Variants in ATP6V1C2 observed in about 807,000 individuals in gnomAD.
The protein encoded by ATP6V1C2 is V-type proton ATPase subunit C 2.
ATP6V1C2 carries 45 observed loss-of-function variants against 56.8 expected under a neutral mutation model. The ratio of observed to expected loss-of-function variants is 0.79; its 90% CI spans 0.62 to 1.02. The LOEUF (loss-of-function observed/expected upper bound fraction) is 1.02, where lower values mean the gene tolerates loss of function less well. Among genes scored for constraint, ATP6V1C2 ranks in the 50% least tolerant of loss-of-function variants. ATP6V1C2 has a pLI of 0.00. For missense variants in ATP6V1C2, 463 were observed against 519.7 expected (o/e 0.89, Z 1.06); for synonymous variants, 220 against 201.3 (o/e 1.09, Z -0.79).
Position 10,784,387 on chromosome 2 carries a change from A to G in ATP6V1C2, c.*1124A>G. 7.3e-7 allele frequency: 1 copy of G among 1,361,922 alleles called. No individual in the cohort carries two copies. The highest frequency in any genetic ancestry group is 1.2e-5 in the South Asian group (1 of 81,312). 84.4% of individuals were successfully genotyped at this position (1,361,922 alleles called of 1,614,324 possible). On this transcript the variant is annotated 3_prime_UTR_variant, in exon 14 of 14. Transcript: ENST00000272238. ...GAAGGGGACACCCTGGAAGGTCAAC[A>G]TCTCATTTTATGGAAGAGCGACTCT...
intron 4 of ATP6V1C2, among the ~76,000 whole-genome samples, chr2:10,762,745 TC>T (rs1663991535): frequency 6.6e-6 from 1 of 151,598 alleles, no homozygotes; most frequent in African/African-American, 2.4e-5. Context: ...TTAGAGCACT[TC>T]CCTCCCTCCA....
intron 4 of ATP6V1C2, among the ~76,000 whole-genome samples, chr2:10,756,981 C>T (rs1265568408): frequency 7.0e-6 from 1 of 142,764 alleles, no homozygotes; most frequent in East Asian, 2.0e-4. Flanking sequence ...TTATAGTTTT[C>T]CCTCTTGAAA....
chr2:10,765,932 A>C (rs1265665935), intron 5 of ATP6V1C2, among the ~76,000 whole-genome samples: 1 of 152,192 alleles, frequency 6.6e-6, no homozygotes, highest in Non-Finnish European at 1.5e-5. Flanking sequence ...GCAGGAAGGA[A>C]GGAGGGCACT....
At position 10,783,083 on chromosome 2, in the gene ATP6V1C2, G is replaced by A. The variant is rs1189138967; in HGVS notation, c.1195-91G>A. 21 of 937,418 alleles carry A rather than the reference G, an allele frequency of 2.2e-5. No homozygotes were observed. The African/African-American group carries it at 2.3e-4, about 10-fold the overall frequency. The allele number at this position is 937,418 out of a possible 1,614,324, so 58.1% of individuals were successfully genotyped here. A position where few individuals can be genotyped will look rare whatever the true frequency, so the allele number is the denominator to read the frequency against. On this transcript the variant is annotated intron_variant, in intron 13 of 13. Transcript: ENST00000272238. Reference sequence around the variant, plus strand: ...CACAGCTACGCAGAGCAGAACGTACGCTCAGTGCCTGGCGAGCTTCCTCAA... The same window carrying A: ...CACAGCTACGCAGAGCAGAACGTACACTCAGTGCCTGGCGAGCTTCCTCAA...
rs534905918 is a variant in ATP6V1C2 at position 10,739,198 on chromosome 2, G to A, written c.197+12629G>A. Among the ~76,000 whole-genome samples, 14 of 152,202 alleles carry A rather than the reference G, an allele frequency of 9.2e-5. 1 individual carries two copies. In the East Asian group the frequency reaches 2.7e-3, roughly 29 times the overall value. On this transcript the variant is annotated intron_variant, in intron 3 of 13. Coordinates refer to ENST00000272238, the MANE Select transcript of ATP6V1C2 (RefSeq NM_001039362.2). ...CTCGGGAGGCTGAGGCAGGAGAATC[G>A]CTTGAACCCGGGAGACGGAGGTTGC...
intron 3 of ATP6V1C2, among the ~76,000 whole-genome samples, chr2:10,727,763 G>A (rs1284352015): frequency 6.6e-6 from 1 of 151,818 alleles, no homozygotes; most frequent in Non-Finnish European, 1.5e-5. Flanking sequence ...GCTGGGTGTG[G>A]TGGCGGGTGC....
intron 3 of ATP6V1C2, among the ~76,000 whole-genome samples, chr2:10,730,607 G>T (rs1309868290): frequency 7.9e-4 from 94 of 118,690 alleles, no homozygotes; most frequent in African/African-American, 2.7e-3. Flanking sequence ...TTCACAGTGG[G>T]TTTTTTTTTT....
chr2:10,746,970 CAATG>C (rs1446484219), intron 3 of ATP6V1C2, among the ~76,000 whole-genome samples: 1 of 152,128 alleles, frequency 6.6e-6, no homozygotes, highest in Non-Finnish European at 1.5e-5. Context: ...ATATGAAAGA[CAATG>C]AAAAGAATTC....
intron 3 of ATP6V1C2, among the ~76,000 whole-genome samples, chr2:10,750,968 G>A (rs1329771348): frequency 6.6e-6 from 1 of 152,162 alleles, no homozygotes; most frequent in Non-Finnish European, 1.5e-5. Flanking sequence ...AGTGCTTGGT[G>A]CATAGTAGTT....
At chr2:10,765,048 G>T (rs930252825) in intron 5 of ATP6V1C2, among the ~76,000 whole-genome samples, 1 of 152,054 alleles carries the variant, frequency 6.6e-6, no homozygotes, top group Non-Finnish European at 1.5e-5. Context: ...GACACCTCTA[G>T]CCCCCAGGGG....
intron 11 of ATP6V1C2, among the ~76,000 whole-genome samples, chr2:10,777,946 C>T (rs926475971): frequency 1.3e-5 from 2 of 149,970 alleles, no homozygotes; most frequent in Middle Eastern, 3.5e-3. Flanking sequence ...CGCCTCTCCC[C>T]GGGCGCCTGG....
At chr2:10,723,061 G>A (rs2148399338) in intron 2 of ATP6V1C2, 83 bp downstream of exon 2, 6 of 1,538,014 alleles carry the variant, frequency 3.9e-6, no homozygotes, top group Admixed American at 1.9e-5. Flanking sequence ...ACCTCAGGAA[G>A]CCAAGGAGAA....
intron 4 of ATP6V1C2, among the ~76,000 whole-genome samples, chr2:10,758,956 C>T (rs1209527156): frequency 2.0e-5 from 3 of 152,208 alleles, no homozygotes; most frequent in Non-Finnish European, 2.9e-5. Flanking sequence ...TGTGAGCCAC[C>T]GCGCCGGCCG....
At chr2:10,768,831 A>G in intron 6 of ATP6V1C2, 21 bp downstream of exon 6, 1 of 1,601,020 alleles carries the variant, frequency 6.2e-7, no homozygotes, top group Admixed American at 1.7e-5. Flanking sequence ...GCCAGCCTCC[A>G]CATCTGGCGG....
In ATP6V1C2 at chr2:10,754,020, G is replaced by A; in HGVS notation, c.237G>A (p.Met79Ile). The change falls in exon 4 of 14, where the codon ATG becomes ATA. Residue 79 changes from methionine to isoleucine, a missense_variant. Physicochemically the swap from Met to Ile is conservative, Grantham distance 10. Coordinates refer to ENST00000272238, the MANE Select transcript of ATP6V1C2 (RefSeq NM_001039362.2). Reference sequence around the variant, plus strand: ...TGGCTCAGAGCGTGGTGGAAGTCATGGAGGACTCAAAGGGGAAGGTCCAGG... The same window carrying A: ...TGGCTCAGAGCGTGGTGGAAGTCATAGAGGACTCAAAGGGGAAGGTCCAGG... ...RRMAQSVVEV[M>I]EDSKGKVQEH... The A allele has an allele frequency of 1.2e-6, 2 of 1,608,432 alleles. No homozygotes were observed. Among genetic ancestry groups the A allele is most frequent in the Non-Finnish European group, 1.7e-6 (2 of 1,176,924 alleles).
chr2:10,735,585 C>CTT (rs112678143), intron 3 of ATP6V1C2, among the ~76,000 whole-genome samples: 3 of 141,888 alleles, frequency 2.1e-5, no homozygotes, highest in Non-Finnish European at 1.6e-5. Flanking sequence ...ATCTCCTGGT[C>CTT]TTTTTTTTTT....
chr2:10,737,796 C>T (rs1000962981), intron 3 of ATP6V1C2, among the ~76,000 whole-genome samples: 2 of 152,118 alleles, frequency 1.3e-5, no homozygotes, highest in Non-Finnish European at 2.9e-5. Flanking sequence ...CGGGTTCAAG[C>T]GATTCTCCTG....
At position 10,760,030 on chromosome 2, in the gene ATP6V1C2, G is replaced by T. The variant is rs201415540; in HGVS notation, c.284-4301G>T. Among the ~76,000 whole-genome samples the T allele has an allele frequency of 5.6e-3, 752 of 133,696 alleles. 3 individuals carry two copies. Among genetic ancestry groups the T allele is most frequent in the Middle Eastern group, 8.1e-3 (2 of 246 alleles). The allele number at this position is 133,696 out of a possible 152,430, so 87.7% of individuals were successfully genotyped here. ...AAAGACAAGCAGTTTTTTGTTTTTT[G>T]TTTTTTTTTTTTTTGCTTTTTGAAA... On this transcript the variant is annotated intron_variant, in intron 4 of 13. Transcript: ENST00000272238.
intron 3 of ATP6V1C2, among the ~76,000 whole-genome samples, chr2:10,740,414 C>G (rs1354358014): frequency 1.3e-5 from 2 of 152,166 alleles, no homozygotes; most frequent in Admixed American, 6.5e-5. Context: ...GCAGGTTGCA[C>G]AACTCCAGGG....
Sources: allele counts gnomAD v4.1 joint callset (sites outside exome capture counted in the v4.1 genomes callset), GRCh38; gene constraint gnomAD v4.1.1; transcripts MANE v1.5; gene names NCBI Gene and HGNC (gene_info 2026-07-23, HGNC 2026-07-21).